The following CLK1 variants were observed in gnomAD, a reference collection of about 807,000 sequenced individuals.
The protein encoded by CLK1 is dual specificity protein kinase CLK1.
A neutral mutation model predicts 60.9 loss-of-function variants in CLK1; 40 were observed. That is an observed-to-expected ratio of 0.66 (90% CI 0.51 to 0.86). CLK1 has a LOEUF of 0.86. CLK1 is among the 40% of genes least tolerant of loss of function. CLK1 has a pLI of 0.00. For synonymous variants in CLK1, 203 were observed against 184.4 expected (o/e 1.10, Z -0.82); for missense variants, 563 against 606.1 (o/e 0.93, Z 0.75).
chr2:200,861,650 T>G, intron 2 of CLK1, 52 bp downstream of exon 2: 1 of 1,586,962 alleles, frequency 6.3e-7, no homozygotes, highest in Admixed American at 1.7e-5. Context: ...GTGATACTAG[T>G]TTTGTCTAGT....
rs1242206977 is a variant in CLK1 at position 200,856,769 on chromosome 2, C to G, written c.970G>C (p.Val324Leu). ...RTLINPDIKV[V>L]DFGSATYDDE... is the part of the protein sequence containing the mutation. ...TCATATGTTGCACTACCAAAGTCTA[C>G]AACTTTAATATCTGGATTTATTAAG... The change falls in exon 9 of 13, where the codon GTA becomes CTA. Residue 324 changes from valine (V) to leucine (L), a missense_variant. Val to Leu is a conservative substitution (Grantham distance 32, BLOSUM62 1). Transcript: ENST00000321356. 1 of 1,613,530 alleles carries G rather than the reference C, an allele frequency of 6.2e-7. No individual in the cohort carries two copies. The highest frequency in any genetic ancestry group is 1.3e-5 in the African/African-American group (1 of 74,892).
At chr2:200,857,949 C>A in intron 6 of CLK1, 24 bp downstream of exon 6, 1 of 1,611,758 alleles carries the variant, frequency 6.2e-7, no homozygotes, top group Non-Finnish European at 8.5e-7. Context: ...GATACCACTT[C>A]CCAAGTTCTA....
chr2:200,853,469 T>A lies in CLK1; in HGVS notation c.1312-20A>T, dbSNP rs770859535. The A allele has an allele frequency of 5.5e-5, 88 of 1,599,282 alleles. 1 individual carries two copies. The highest frequency in any genetic ancestry group is 1.7e-4 in the Middle Eastern group (1 of 6,002). On this transcript the variant is annotated intron_variant, in intron 12 of 12. Coordinates refer to ENST00000321356, the MANE Select transcript of CLK1 (RefSeq NM_004071.4). ...AAATTCCTGGAAGAAAAAAAGAAATTCATTCAACAGCCTTTTCCACTACCA... is the reference window on the plus strand; with the variant it reads ...AAATTCCTGGAAGAAAAAAAGAAATACATTCAACAGCCTTTTCCACTACCA...
At position 200,857,986 on chromosome 2, in the gene CLK1, G is replaced by T. The variant is rs761335721; in HGVS notation, c.652C>A (p.Pro218Thr). Residue 218 changes from proline to threonine, a missense_variant, in exon 6 of 13, where the codon CCC becomes ACC. By Grantham distance (38) the Pro-to-Thr change is conservative (BLOSUM62 -1). Around this residue, in one of 3 missense-constraint regions of CLK1, gnomAD observed 360 missense variants for 407.0 expected, o/e 0.88. Coordinates refer to ENST00000321356, the MANE Select transcript of CLK1 (RefSeq NM_004071.4). ...TCTGATACTTACAAAGTACTGTTGG[G>T]GTCTGTTGTATTCAGATGTTCCAGA... ...QVLEHLNTTD[P>T]NSTFRCVQML... 1.9e-6 allele frequency: 3 copies of T among 1,613,292 alleles called. No individual in the cohort carries two copies. The highest frequency in any genetic ancestry group is 2.5e-6 in the Non-Finnish European group (3 of 1,179,358).
intron 10 of CLK1, 136 bp from the exon 11 acceptor site, chr2:200,854,831 G>A (rs530765532): frequency 3.8e-6 from 3 of 780,376 alleles, no homozygotes; most frequent in Non-Finnish European, 4.3e-6. Flanking sequence ...ACGGATAATT[G>A]CTTATATACT....
In CLK1 at chr2:200,860,098, T is replaced by G. The variant is rs769001836; in HGVS notation, c.481+27A>C. On this transcript the variant is annotated intron_variant, in intron 4 of 12. Coordinates refer to ENST00000321356, the MANE Select transcript of CLK1 (RefSeq NM_004071.4). ...ATATAGATTATGTTATCTGAAAAGT[T>G]AATAAGTGTTGAAAAATATTCTATA... 4 of 1,608,402 alleles carry G rather than the reference T, an allele frequency of 2.5e-6. No homozygotes were observed. In the South Asian group the frequency reaches 3.3e-5, roughly 13 times the overall value.
At chr2:200,856,165 C>T (rs868595350) in intron 9 of CLK1, among the ~76,000 whole-genome samples, 8 of 152,002 alleles carry the variant, frequency 5.3e-5, no homozygotes, top group African/African-American at 1.4e-4. Context: ...CTCCGCCTCC[C>T]GGTGTTCAAG....
At chr2:200,862,194 A>G (rs562639157) in intron 1 of CLK1, among the ~76,000 whole-genome samples, 1 of 152,284 alleles carries the variant, frequency 6.6e-6, no homozygotes, top group East Asian at 1.9e-4. Flanking sequence ...GTACAAATAT[A>G]GCACTATAGA....
Position 200,857,890 on chromosome 2 carries a change from A to C in CLK1, c.666-6T>G. Reference sequence around the variant, plus strand: ...CCAACATCTGGACACAGCGGCTACAAACACATGAAAAATAGCTAAGTATAG... The same window carrying C: ...CCAACATCTGGACACAGCGGCTACACACACATGAAAAATAGCTAAGTATAG... On this transcript the variant is annotated splice_polypyrimidine_tract_variant and splice_region_variant and intron_variant, in intron 6 of 12. Coordinates refer to ENST00000321356, the MANE Select transcript of CLK1 (RefSeq NM_004071.4). The C allele has an allele frequency of 6.2e-7, 1 of 1,612,212 alleles. No homozygotes were observed. Among genetic ancestry groups the C allele is most frequent in the South Asian group, 1.1e-5 (1 of 90,944 alleles).
Position 200,856,871 on chromosome 2 carries a change from G to C in CLK1, c.927+20C>G. 5.0e-6 allele frequency: 8 copies of C among 1,613,842 alleles called. No homozygotes were observed. The highest frequency in any genetic ancestry group is 6.8e-6 in the Non-Finnish European group (8 of 1,179,746). On this transcript the variant is annotated intron_variant, in intron 8 of 12. Transcript: ENST00000321356. Reference sequence around the variant, plus strand: ...GCTATTAAGGCATAAGATACTTTATGAATATTTTGGAAGACTTACTATTTT... The same window carrying C: ...GCTATTAAGGCATAAGATACTTTATCAATATTTTGGAAGACTTACTATTTT...
At chr2:200,864,123 C>T in intron 1 of CLK1, 5 of 1,551,214 alleles carry the variant, frequency 3.2e-6, no homozygotes, top group Non-Finnish European at 4.4e-6. Context: ...TTCCCCACAG[C>T]TGCTTGGCTC....
At chr2:200,863,620 G>A (rs2039180360) in intron 1 of CLK1, among the ~76,000 whole-genome samples, 1 of 152,136 alleles carries the variant, frequency 6.6e-6, no homozygotes, top group Non-Finnish European at 1.5e-5. Context: ...CACTTTGGGA[G>A]GCCGAAGCGG....
intron 1 of CLK1, among the ~76,000 whole-genome samples, chr2:200,863,661 C>T (rs1260981013): frequency 3.3e-5 from 5 of 152,096 alleles, no homozygotes; most frequent in Admixed American, 6.6e-5. Context: ...AGTTTGAGGC[C>T]AGCTTAATAT....
intron 1 of CLK1, among the ~76,000 whole-genome samples, chr2:200,863,531 CG>C (rs966179485): frequency 6.6e-6 from 1 of 151,570 alleles, no homozygotes; most frequent in African/African-American, 2.4e-5. Context: ...GCACTCCGGC[CG>C]GGGCGACAGG....
In CLK1 at chr2:200,857,796, T is replaced by C. The variant is rs751707765; in HGVS notation, c.754A>G (p.Ile252Val). 1 of 1,613,676 alleles carries C rather than the reference T, an allele frequency of 6.2e-7. No individual in the cohort carries two copies. The highest frequency in any genetic ancestry group is 1.1e-5 in the South Asian group (1 of 90,962). ...ELLGLSTYDFIKENGFLPFRL... is the reference protein window; with the variant it reads ...ELLGLSTYDFVKENGFLPFRL... ...AATGGTAGAAAACCATTTTCTTTAA[T>C]GAAGTCGTAAGTACTAAGTCCCAAT... is the stretch of plus-strand genomic sequence containing the variant. The change falls in exon 7 of 13, where the codon ATT (isoleucine) becomes GTT (valine). Residue 252 changes from isoleucine (I) to valine (V), a missense_variant. Physicochemically the swap from Ile to Val is conservative, Grantham distance 29. Transcript: ENST00000321356.
chr2:200,854,458 C>T (rs548967701), intron 11 of CLK1, among the ~76,000 whole-genome samples, 158 bp downstream of exon 11: 38 of 151,486 alleles, frequency 2.5e-4, no homozygotes, highest in African/African-American at 9.0e-4. Flanking sequence ...ATGGCGTGAA[C>T]CCAGGAGGGA....
rs1380078498 is a variant in CLK1 at position 200,856,320 on chromosome 2, T to G, written c.1057+362A>C. 4.6e-5 allele frequency among the ~76,000 whole-genome samples: 7 copies of G among 152,212 alleles called. No homozygotes were observed. In the South Asian group the frequency reaches 1.5e-3, roughly 32 times the overall value. On this transcript the variant is annotated intron_variant, in intron 9 of 12. Transcript: ENST00000321356. Reference sequence around the variant, plus strand: ...TTCCTGACCATGTGGTCTGCCCGCCTTGGCCTCCCAAAGTGCTGGGATTAC... The same window carrying G: ...TTCCTGACCATGTGGTCTGCCCGCCGTGGCCTCCCAAAGTGCTGGGATTAC...
intron 1 of CLK1, among the ~76,000 whole-genome samples, chr2:200,862,558 CCCA>C (rs2039157059): frequency 6.6e-6 from 1 of 152,176 alleles, no homozygotes; most frequent in African/African-American, 2.4e-5. Context: ...TAATGATAAT[CCCA>C]CCACCCTTTG....
At chr2:200,861,669 G>A (rs2039140881) in intron 2 of CLK1, 33 bp downstream of exon 2, 3 of 1,609,470 alleles carry the variant, frequency 1.9e-6, no homozygotes, top group South Asian at 1.1e-5. Flanking sequence ...GTAATGTATT[G>A]TTATATTCAG....
Sources: allele counts gnomAD v4.1 joint callset (sites outside exome capture counted in the v4.1 genomes callset), GRCh38; gene constraint gnomAD v4.1.1; regional missense constraint gnomAD v4.1.1; transcripts MANE v1.5; gene names NCBI Gene and HGNC (gene_info 2026-07-23, HGNC 2026-07-21).